MEF2A: variants seen among roughly 807,000 people sequenced by gnomAD.
MEF2A encodes myocyte enhancer factor 2A.
In MEF2A, 28 loss-of-function variants were observed where a neutral mutation model predicts 55.8. The observed-to-expected ratio is 0.50, with a 90% CI of 0.37 to 0.69. MEF2A has a LOEUF of 0.69. Among genes scored for constraint, MEF2A ranks in the 30% least tolerant of loss-of-function variants. The pLI, the probability that MEF2A is intolerant of heterozygous loss-of-function variation, is 0.00. For synonymous variants in MEF2A, 239 were observed against 227.1 expected (o/e 1.05, Z -0.47); for missense variants, 528 against 626.2 (o/e 0.84, Z 1.67).
intron 1 of MEF2A, among the ~76,000 whole-genome samples, chr15:99,587,973 G>T (rs1327198960): frequency 1.3e-5 from 2 of 152,066 alleles, no homozygotes. Flanking sequence ...AATTAAAAAT[G>T]GTGAGAGTGG....
At chr15:99,602,829 A>C (rs1260608937) in intron 2 of MEF2A, among the ~76,000 whole-genome samples, 1 of 149,380 alleles carries the variant, frequency 6.7e-6, no homozygotes, top group African/African-American at 2.5e-5. Flanking sequence ...TGCCCTGCTC[A>C]TGTCTGACTA....
At chr15:99,666,425 T>TG (rs1239394955) in intron 4 of MEF2A, among the ~76,000 whole-genome samples, 2 of 151,734 alleles carry the variant, frequency 1.3e-5, no homozygotes, top group Non-Finnish European at 2.9e-5. Flanking sequence ...CATCACACAC[T>TG]GGGGCTTGTC....
intron 1 of MEF2A, among the ~76,000 whole-genome samples, chr15:99,571,882 A>G (rs1962455654): frequency 6.6e-6 from 1 of 152,100 alleles, no homozygotes; most frequent in Non-Finnish European, 1.5e-5. Context: ...GCACCTTCAC[A>G]ATTTGCCTTG....
intron 8 of MEF2A, among the ~76,000 whole-genome samples, chr15:99,699,952 A>ATATGTG (rs767472744): frequency 1.5e-5 from 2 of 130,582 alleles, no homozygotes; most frequent in Non-Finnish European, 3.2e-5. Flanking sequence ...AAGAGTTTAT[A>ATATGTG]TGTGTGTGTG....
intron 7 of MEF2A, among the ~76,000 whole-genome samples, chr15:99,677,072 G>C (rs1378275194): frequency 2.0e-5 from 3 of 151,946 alleles, no homozygotes; most frequent in Non-Finnish European, 4.4e-5. Context: ...AGTGAGCCGA[G>C]ATCATGCCAC....
At chr15:99,703,450 G>A (rs1040566749) in intron 9 of MEF2A, 65 bp downstream of exon 9, 18 of 1,503,394 alleles carry the variant, frequency 1.2e-5, no homozygotes, top group Non-Finnish European at 1.6e-5. Flanking sequence ...TCTCTTACGT[G>A]TTGTTATCTA....
intron 2 of MEF2A, among the ~76,000 whole-genome samples, chr15:99,607,628 A>G (rs1370423529): frequency 6.6e-6 from 1 of 152,230 alleles, no homozygotes; most frequent in East Asian, 1.9e-4. Flanking sequence ...AGGCATAAGT[A>G]TCTGCATTTT....
chr15:99,672,502 A>G (rs901744770), intron 5 of MEF2A, among the ~76,000 whole-genome samples: 1 of 152,228 alleles, frequency 6.6e-6, no homozygotes, highest in African/African-American at 2.4e-5. Context: ...CTAATTCTGT[A>G]TATGTAGGTC....
intron 2 of MEF2A, among the ~76,000 whole-genome samples, chr15:99,612,965 G>GGA (rs537130324): frequency 2.6e-5 from 4 of 152,038 alleles, no homozygotes; most frequent in Non-Finnish European, 5.9e-5. Flanking sequence ...CAAGGAAACG[G>GGA]GAGAGAGAGA....
chr15:99,687,084 C>CTTTTTATTTTTTTT (rs2054393574), intron 7 of MEF2A, among the ~76,000 whole-genome samples: 1 of 67,750 alleles, frequency 1.5e-5, no homozygotes, highest in Non-Finnish European at 2.6e-5. Flanking sequence ...ATTAATTTTT[C>CTTTTTATTTTTTTT]TTTTTTTTTT....
At chr15:99,656,813 C>T (rs2047802138) in intron 4 of MEF2A, among the ~76,000 whole-genome samples, 2 of 152,030 alleles carry the variant, frequency 1.3e-5, no homozygotes, top group Non-Finnish European at 2.9e-5. Context: ...AGATATAATT[C>T]GTATACCATA....
chr15:99,710,629 T>C lies in MEF2A; in HGVS notation c.1010-5T>C. ...TATGCAGAGCCCTCTTGTCTTCCTTTGTAGATTATTCACTGACCAGCGCTG... is the reference window on the plus strand; with the variant it reads ...TATGCAGAGCCCTCTTGTCTTCCTTCGTAGATTATTCACTGACCAGCGCTG... On this transcript the variant is annotated splice_region_variant and splice_polypyrimidine_tract_variant and intron_variant, in intron 10 of 11. Coordinates refer to ENST00000557942, the MANE Select transcript of MEF2A (RefSeq NM_001319206.4). 1 of 1,607,404 alleles carries C rather than the reference T, an allele frequency of 6.2e-7. No homozygotes were observed. The highest frequency in any genetic ancestry group is 2.2e-5 in the East Asian group (1 of 44,614).
At chr15:99,604,216 C>T (rs1974287522) in intron 2 of MEF2A, among the ~76,000 whole-genome samples, 1 of 152,124 alleles carries the variant, frequency 6.6e-6, no homozygotes, top group African/African-American at 2.4e-5. Flanking sequence ...GGAAATGTTT[C>T]ACCACTATTT....
intron 4 of MEF2A, among the ~76,000 whole-genome samples, chr15:99,656,852 A>G (rs1271460000): frequency 2.0e-5 from 3 of 151,746 alleles, no homozygotes; most frequent in Non-Finnish European, 2.9e-5. Context: ...TATGCAGTTC[A>G]GTGGTTCTTA....
intron 4 of MEF2A, among the ~76,000 whole-genome samples, chr15:99,647,055 A>C (rs913291533): frequency 6.6e-6 from 1 of 152,118 alleles, no homozygotes; most frequent in East Asian, 1.9e-4. Flanking sequence ...ACATGGTTAT[A>C]TCTTTAGCTA....
chr15:99,624,919 C>T (rs531750392), intron 2 of MEF2A, among the ~76,000 whole-genome samples: 1 of 152,272 alleles, frequency 6.6e-6, no homozygotes, highest in East Asian at 1.9e-4. Flanking sequence ...CGATACCCAA[C>T]TTACAGTGGT....
intron 7 of MEF2A, among the ~76,000 whole-genome samples, chr15:99,689,155 G>A (rs941486610): frequency 6.6e-6 from 1 of 152,196 alleles, no homozygotes; most frequent in Non-Finnish European, 1.5e-5. Context: ...GGAAGGTTCT[G>A]TTAGGGAAAG....
intron 1 of MEF2A, among the ~76,000 whole-genome samples, chr15:99,582,703 TATGGCTTTAAAGTC>T (rs1966286436): frequency 6.6e-6 from 1 of 152,148 alleles, no homozygotes; most frequent in Non-Finnish European, 1.5e-5. Context: ...GCTTTCGACA[TATGGCTTTAAAGTC>T]ATCTCTGTAG....
intron 5 of MEF2A, among the ~76,000 whole-genome samples, chr15:99,672,630 A>G (rs2051105786): frequency 6.6e-6 from 1 of 152,200 alleles, no homozygotes; most frequent in African/African-American, 2.4e-5. Flanking sequence ...GTAGTCCTGT[A>G]TTACAGGTTG....
Sources: gnomAD v4.1 joint callset for allele counts (sites outside exome capture counted in the v4.1 genomes callset) on GRCh38, gnomAD v4.1.1 for gene constraint, MANE v1.5 for transcripts, NCBI Gene and HGNC (gene_info 2026-07-23, HGNC 2026-07-21) for gene names.